TBX2: variants seen among roughly 807,000 people sequenced by gnomAD.
TBX2 encodes T-box transcription factor TBX2.
A neutral mutation model predicts 48.4 loss-of-function variants in TBX2; 19 were observed. The observed-to-expected ratio is 0.39, with a 90% CI of 0.27 to 0.58. TBX2 has a LOEUF of 0.58. Among genes scored for constraint, TBX2 ranks in the 20% least tolerant of loss-of-function variants. The pLI is 0.54. For synonymous variants in TBX2, 522 were observed against 459.7 expected (o/e 1.14, Z -1.73); for missense variants, 994 against 1,006.5 (o/e 0.99, Z 0.17).
intron 2 of TBX2, among the ~76,000 whole-genome samples, chr17:61,402,625 G>A (rs1320525649): frequency 6.6e-6 from 1 of 152,148 alleles, no homozygotes; most frequent in Non-Finnish European, 1.5e-5. Flanking sequence ...TGTGGGGTTA[G>A]GGGGTTTACC....
Position 61,408,152 on chromosome 17 carries a change from T to C in TBX2, c.1785T>C (p.Ala595=), listed in dbSNP as rs2143737566. 6.2e-7 allele frequency: 1 copy of C among 1,611,634 alleles called. No individual in the cohort carries two copies. Among genetic ancestry groups the C allele is most frequent in the Middle Eastern group, 1.7e-4 (1 of 6,050 alleles). ...AAASALPATS[A]AAAAAAAAGS... Reference sequence around the variant, plus strand: ...CCTCGGCTTTGCCCGCCACTAGTGCTGCAGCTGCCGCCGCCGCAGCCGCCG... The same window carrying C: ...CCTCGGCTTTGCCCGCCACTAGTGCCGCAGCTGCCGCCGCCGCAGCCGCCG... The change falls in exon 7 of 7, where the codon GCT becomes GCC. Residue 595 remains alanine (A), a synonymous_variant. Coordinates refer to ENST00000240328, the MANE Select transcript of TBX2 (RefSeq NM_005994.4).
intron 6 of TBX2, 23 bp from the exon 7 acceptor site, chr17:61,408,031 T>G: frequency 6.5e-7 from 1 of 1,547,664 alleles, no homozygotes; most frequent in Non-Finnish European, 8.7e-7. Context: ...TGTCTAACCC[T>G]CGTCTTGTTC....
Position 61,400,666 on chromosome 17 carries a change from C to T in TBX2, c.395+95C>T. On this transcript the variant is annotated intron_variant, in intron 1 of 6. Coordinates refer to ENST00000240328, the MANE Select transcript of TBX2 (RefSeq NM_005994.4). This position sits in a 1 kb window ranked among gnomAD's most constrained non-coding sequence, Gnocchi z 9.2. ...AGAGCAGAGCTGGGGACTCCCGGCT[C>T]CCGGCTCCCGGCTCCAGGTTCTGGC... 2 of 1,191,576 alleles carry T rather than the reference C, an allele frequency of 1.7e-6. No homozygotes were observed. The highest frequency in any genetic ancestry group is 2.3e-6 in the Non-Finnish European group (2 of 879,726). 73.8% of individuals were successfully genotyped at this position (1,191,576 alleles called of 1,614,324 possible). A position where few individuals can be genotyped will look rare whatever the true frequency, so the allele number is the denominator to read the frequency against.
At position 61,406,955 on chromosome 17, in the gene TBX2, A is replaced by G. The variant is rs7215775; in HGVS notation, c.1687-1099A>G. 101,861 of 151,914 alleles carry G rather than the reference A, an allele frequency of 0.67. 34,806 individuals are homozygous for G. Among genetic ancestry groups the G allele is most frequent in the Non-Finnish European group, 0.72 (49,238 of 67,936 alleles). 9.4% of individuals were successfully genotyped at this position (151,914 alleles called of 1,614,324 possible). On this transcript the variant is annotated intron_variant, in intron 6 of 6. Transcript: ENST00000240328. The surrounding 1 kb of genome is among the most constrained non-coding windows in gnomAD (Gnocchi z 5.7). ...CCTCCTCCCCAGACAAACTGGTAAT[A>G]ATCACCAGCATCACAGAGGTCATGA...
rs1319126868 is a variant in TBX2, at chr17:61,400,471, G to C, written c.295G>C (p.Asp99His). 1 of 1,601,056 alleles carries C rather than the reference G, an allele frequency of 6.2e-7. No individual in the cohort carries two copies. The highest frequency in any genetic ancestry group is 2.2e-5 in the East Asian group (1 of 44,548). The part of the protein sequence containing the change: ...LRSLKSLEPE[D>H]EVEDDPKVTL... Reference sequence around the variant, plus strand: ...CTCCCTCAAGAGCCTGGAGCCCGAGGACGAGGTGGAGGACGACCCCAAGGT... The same window carrying C: ...CTCCCTCAAGAGCCTGGAGCCCGAGCACGAGGTGGAGGACGACCCCAAGGT... The change falls in exon 1 of 7, where the codon GAC (aspartate) becomes CAC (histidine). Residue 99 changes from aspartate (D) to histidine (H), a missense_variant. By Grantham distance (81) the Asp-to-His change is moderately conservative. This residue lies in a region of TBX2 where 165 missense variants were observed against 136.8 expected (regional missense o/e 1.21). Transcript: ENST00000240328. This position sits in a 1 kb window ranked among gnomAD's most constrained non-coding sequence, Gnocchi z 9.2.
At chr17:61,402,219 C>T (rs887258) in intron 2 of TBX2, among the ~76,000 whole-genome samples, 1 of 152,086 alleles carries the variant, frequency 6.6e-6, no homozygotes, top group Non-Finnish European at 1.5e-5. Flanking sequence ...TCCCTTGTAC[C>T]GTCAATAGGG....
At chr17:61,405,024 T>C (rs1185756673) in intron 5 of TBX2, 178 bp from the exon 6 acceptor site, 8 of 1,373,622 alleles carry the variant, frequency 5.8e-6, no homozygotes, top group Non-Finnish European at 8.0e-6. Flanking sequence ...TCTCCAGGGC[T>C]GGGTTCCTTC....
intron 3 of TBX2, among the ~76,000 whole-genome samples, chr17:61,404,117 G>A (rs1445103401): frequency 2.0e-5 from 3 of 149,220 alleles, no homozygotes; most frequent in Admixed American, 1.3e-4. Context: ...GCGCAAGCCC[G>A]CGGGCGGGTG....
Position 61,403,189 on chromosome 17 carries a change from T to C in TBX2, c.792T>C (p.Thr264=), listed in dbSNP as rs2060272244. 6.2e-7 allele frequency: 1 copy of C among 1,613,266 alleles called. No individual in the cohort carries two copies. Among genetic ancestry groups the C allele is most frequent in the South Asian group, 1.1e-5 (1 of 91,082 alleles). ...CGGAGACCGACTTCATCGCCGTCAC[T>C]GCCTACCAGAATGACAAGGTGCGCG... ...VFPETDFIAV[T]AYQNDKITQL... The change falls in exon 3 of 7, where the codon ACT becomes ACC. Residue 264 remains threonine, a synonymous_variant. Transcript: ENST00000240328. This position sits in a 1 kb window ranked among gnomAD's most constrained non-coding sequence, Gnocchi z 5.8.
Position 61,405,374 on chromosome 17 carries a change from G to C in TBX2, c.1224G>C (p.Pro408=), listed in dbSNP as rs771691682. The C allele has an allele frequency of 4.5e-6, 7 of 1,546,856 alleles. No individual in the cohort carries two copies. In the South Asian group the frequency reaches 7.1e-5, roughly 16 times the overall value. ...ERRSPERGKE[P]AESGGDGPFG... ...GTAGTCCCGAGAGGGGCAAGGAGCC[G>C]GCCGAGAGCGGCGGGGACGGCCCGT... The change falls in exon 6 of 7, where the codon CCG becomes CCC. Residue 408 remains proline (P), a synonymous_variant. Transcript: ENST00000240328.
intron 1 of TBX2, 64 bp from the exon 2 acceptor site, chr17:61,401,620 A>C (rs1417044076): frequency 6.5e-7 from 1 of 1,545,670 alleles, no homozygotes; most frequent in Non-Finnish European, 8.7e-7. Flanking sequence ...ATAAAGGAGG[A>C]GTGGGGTCCT....
At position 61,408,654 on chromosome 17, in the gene TBX2, T is replaced by C; in HGVS notation, c.*148T>C. The stretch of plus-strand genomic sequence containing the variant: ...CCGGAATAGAGCCTCGTCTGGCAAG[T>C]CGGGGCCTGGGACACTTCCCTGGGC... On this transcript the variant is annotated 3_prime_UTR_variant, in exon 7 of 7. Coordinates refer to ENST00000240328, the MANE Select transcript of TBX2 (RefSeq NM_005994.4). 1.3e-6 allele frequency: 1 copy of C among 745,736 alleles called. No individual in the cohort carries two copies. Among genetic ancestry groups the C allele is most frequent in the East Asian group, 3.3e-5 (1 of 30,266 alleles). The allele number at this position is 745,736 out of a possible 1,614,324, so 46.2% of individuals were successfully genotyped here.
intron 2 of TBX2, among the ~76,000 whole-genome samples, 169 bp downstream of exon 2, chr17:61,402,120 T>TGGGCCC (rs1307100908): frequency 1.3e-5 from 2 of 152,214 alleles, no homozygotes; most frequent in Non-Finnish European, 2.9e-5. Context: ...GGCCTGGGCC[T>TGGGCCC]GGGCCCCAGC....
Position 61,408,436 on chromosome 17 carries a change from G to A in TBX2, c.2069G>A (p.Ser690Asn), listed in dbSNP as rs1259099213. 2 of 1,519,414 alleles carry A rather than the reference G, an allele frequency of 1.3e-6. No individual in the cohort carries two copies. Among genetic ancestry groups the A allele is most frequent in the Non-Finnish European group, 1.8e-6 (2 of 1,131,750 alleles). 94.1% of individuals were successfully genotyped at this position (1,519,414 alleles called of 1,614,324 possible). A position where few individuals can be genotyped will look rare whatever the true frequency, so the allele number is the denominator to read the frequency against. The change falls in exon 7 of 7, where the codon AGC becomes AAC. Residue 690 changes from serine (S) to asparagine (N), a missense_variant. Physicochemically the swap from Ser to Asn is conservative, Grantham distance 46. Around this residue, in one of 5 missense-constraint regions of TBX2, gnomAD observed 639 missense variants for 613.2 expected, o/e 1.04. Coordinates refer to ENST00000240328, the MANE Select transcript of TBX2 (RefSeq NM_005994.4). Reference protein sequence around the residue: ...SAKEAANELQSIQRLVSGLES... With the variant: ...SAKEAANELQNIQRLVSGLES... ...AAGGAGGCGGCCAATGAACTGCAGA[G>A]CATCCAGAGACTGGTGAGTGGGCTG...
chr17:61,404,399 G>T, intron 3 of TBX2, 22 bp from the exon 4 acceptor site: 1 of 1,588,806 alleles, frequency 6.3e-7, no homozygotes. Context: ...CTGACTTAGC[G>T]CCGCCCCCTT....
At chr17:61,405,929 CG>C (rs1194400178) in intron 6 of TBX2, 93 bp downstream of exon 6, 1 of 1,196,948 alleles carries the variant, frequency 8.4e-7, no homozygotes. Flanking sequence ...GTGCCAGGGT[CG>C]CTGGGATCCT....
In TBX2 at chr17:61,404,678, A is replaced by G; in HGVS notation, c.960A>G (p.Ser320=). 14 of 1,587,054 alleles carry G rather than the reference A, an allele frequency of 8.8e-6. No homozygotes were observed. The highest frequency in any genetic ancestry group is 1.2e-5 in the Non-Finnish European group (14 of 1,166,882). Reference sequence around the variant, plus strand: ...AACCCGAGCGCGATGGCGCGGAGTCAGACGCCTCGTCGTGCGACCCTCCCC... The same window carrying G: ...AACCCGAGCGCGATGGCGCGGAGTCGGACGCCTCGTCGTGCGACCCTCCCC... ...HCKPERDGAE[S]DASSCDPPPA... Residue 320 remains serine (S), a synonymous_variant, in exon 5 of 7, where the codon TCA becomes TCG. Transcript: ENST00000240328.
Position 61,408,190 on chromosome 17 carries a change from G to C in TBX2, c.1823G>C (p.Arg608Pro). The C allele has an allele frequency of 1.2e-6, 2 of 1,612,806 alleles. No individual in the cohort carries two copies. Among genetic ancestry groups the C allele is most frequent in the Non-Finnish European group, 8.5e-7 (1 of 1,179,854 alleles). The change falls in exon 7 of 7, where the codon CGG becomes CCG. Residue 608 changes from arginine (R) to proline (P), a missense_variant. Coordinates refer to ENST00000240328, the MANE Select transcript of TBX2 (RefSeq NM_005994.4). ...AAAAAAGSLS[R>P]SPFLGSARPR... ...GCCGCAGCCGCCGGCTCCCTCTCCC[G>C]GAGCCCCTTCCTGGGCAGTGCCCGG...
Position 61,404,416 on chromosome 17 carries a change from C to T in TBX2, c.811-5C>T, listed in dbSNP as rs1297635364. The T allele has an allele frequency of 6.2e-7, 1 of 1,606,368 alleles. No individual in the cohort carries two copies. Among genetic ancestry groups the T allele is most frequent in the South Asian group, 1.1e-5 (1 of 89,700 alleles). ...GACTTAGCGCCGCCCCCTTGGTCCC[C>T]GCAGATCACACAGCTGAAGATCGAC... On this transcript the variant is annotated splice_polypyrimidine_tract_variant and splice_region_variant and intron_variant, in intron 3 of 6. Coordinates refer to ENST00000240328, the MANE Select transcript of TBX2 (RefSeq NM_005994.4).
Sources: allele counts gnomAD v4.1 joint callset (sites outside exome capture counted in the v4.1 genomes callset), GRCh38; gene constraint gnomAD v4.1.1; regional missense constraint gnomAD v4.1.1; non-coding constraint Gnocchi (gnomAD v3.1); transcripts MANE v1.5; gene names NCBI Gene and HGNC (gene_info 2026-07-23, HGNC 2026-07-21).